Variants in SH2D4B observed in about 807,000 individuals in gnomAD.
The protein encoded by SH2D4B is SH2 domain-containing protein 4B.
A neutral mutation model predicts 61.5 loss-of-function variants in SH2D4B; 45 were observed. That is an observed-to-expected ratio of 0.73 (90% confidence interval 0.58 to 0.94). The LOEUF (loss-of-function observed/expected upper bound fraction) is 0.94. Among genes scored for constraint, SH2D4B ranks in the 40% least tolerant of loss-of-function variants. The pLI is 0.00. For missense variants in SH2D4B, 572 were observed against 574.2 expected (o/e 1.00, Z 0.04); for synonymous variants, 224 against 220.4 (o/e 1.02, Z -0.14).
intron 3 of SH2D4B, among the ~76,000 whole-genome samples, chr10:80,586,630 T>C (rs1036655280): frequency 6.6e-6 from 1 of 152,146 alleles, no homozygotes; most frequent in Non-Finnish European, 1.5e-5. Flanking sequence ...AACAGACCAC[T>C]GGGCTCTCTG....
At chr10:80,614,127 GGT>G (rs1000187285) in intron 6 of SH2D4B, among the ~76,000 whole-genome samples, 1 of 152,174 alleles carries the variant, frequency 6.6e-6, no homozygotes, top group Non-Finnish European at 1.5e-5. Flanking sequence ...CTGGGCTCCA[GGT>G]GTGTGAGGCT....
intron 4 of SH2D4B, among the ~76,000 whole-genome samples, chr10:80,595,780 C>T (rs762581139): frequency 1.3e-5 from 2 of 152,204 alleles, no homozygotes; most frequent in African/African-American, 2.4e-5. Flanking sequence ...CCACCCAGTT[C>T]TTCAATCCCT....
intron 4 of SH2D4B, among the ~76,000 whole-genome samples, chr10:80,598,361 T>C (rs778787857): frequency 4.6e-5 from 7 of 152,244 alleles, no homozygotes; most frequent in Non-Finnish European, 1.0e-4. Context: ...GGAAATCGTC[T>C]GGCCCAGGAG....
Position 80,645,426 on chromosome 10 carries a change from C to G in SH2D4B, c.*1341C>G. 6.6e-6 allele frequency: 1 copy of G among 152,224 alleles called. No homozygotes were observed. Among genetic ancestry groups the G allele is most frequent in the Non-Finnish European group, 1.5e-5 (1 of 68,060 alleles). 9.4% of individuals were successfully genotyped at this position (152,224 alleles called of 1,614,324 possible). A position where few individuals can be genotyped will look rare whatever the true frequency, so the allele number is the denominator to read the frequency against. ...CCACATGCCCCATCTCCCATTGCTGCAGAGGCATAAGACAGAAGAGATGGG... is the reference window on the plus strand; with the variant it reads ...CCACATGCCCCATCTCCCATTGCTGGAGAGGCATAAGACAGAAGAGATGGG... On this transcript the variant is annotated 3_prime_UTR_variant, in exon 8 of 8. Coordinates refer to ENST00000646907, the MANE Select transcript of SH2D4B (RefSeq NM_001388272.1).
chr10:80,562,364 C>A (rs1227719987), intron 1 of SH2D4B, among the ~76,000 whole-genome samples: 2 of 152,104 alleles, frequency 1.3e-5, no homozygotes, highest in African/African-American at 4.8e-5. Flanking sequence ...TCAGTTTTTT[C>A]TCATGAACGT....
chr10:80,566,256 G>C (rs1841967350), intron 1 of SH2D4B, among the ~76,000 whole-genome samples: 1 of 151,136 alleles, frequency 6.6e-6, no homozygotes, highest in South Asian at 2.1e-4. Flanking sequence ...TGAATCACTT[G>C]CCAATGAGAA....
At chr10:80,594,921 A>G (rs544839685) in intron 4 of SH2D4B, among the ~76,000 whole-genome samples, 1 of 152,332 alleles carries the variant, frequency 6.6e-6, no homozygotes, top group Admixed American at 6.5e-5. Context: ...GCAGTTGGGA[A>G]GGTGGATGGG....
At chr10:80,611,280 C>G (rs986461251) in intron 6 of SH2D4B, among the ~76,000 whole-genome samples, 1 of 149,886 alleles carries the variant, frequency 6.7e-6, no homozygotes, top group African/African-American at 2.4e-5. Context: ...TTGCAGGAAA[C>G]TGACACGTCA....
intron 5 of SH2D4B, among the ~76,000 whole-genome samples, chr10:80,605,788 G>A (rs1842511880): frequency 6.6e-6 from 1 of 152,138 alleles, no homozygotes; most frequent in Non-Finnish European, 1.5e-5. Context: ...CAAAGTCCTG[G>A]GATTACAGGT....
chr10:80,571,004 A>G (rs1842035311), intron 2 of SH2D4B, among the ~76,000 whole-genome samples: 1 of 151,970 alleles, frequency 6.6e-6, no homozygotes, highest in Non-Finnish European at 1.5e-5. Context: ...CCTCCTGAGT[A>G]TCTGGGACAC....
At chr10:80,563,393 T>C (rs1841931146) in intron 1 of SH2D4B, among the ~76,000 whole-genome samples, 1 of 152,208 alleles carries the variant, frequency 6.6e-6, no homozygotes, top group Non-Finnish European at 1.5e-5. Context: ...TTCCATCCTG[T>C]AGATTATCTC....
intron 2 of SH2D4B, 116 bp from the exon 3 acceptor site, chr10:80,571,315 A>C: frequency 8.1e-7 from 1 of 1,229,556 alleles, no homozygotes; most frequent in Non-Finnish European, 1.1e-6. Flanking sequence ...GTCTTTGCCA[A>C]CACCGAATTC....
In SH2D4B at chr10:80,644,241, T is replaced by G; in HGVS notation, c.*156T>G. 1 of 624,834 alleles carries G rather than the reference T, an allele frequency of 1.6e-6. No individual in the cohort carries two copies. The highest frequency in any genetic ancestry group is 2.8e-6 in the Non-Finnish European group (1 of 357,124). 38.7% of individuals were successfully genotyped at this position (624,834 alleles called of 1,614,324 possible). On this transcript the variant is annotated 3_prime_UTR_variant, in exon 8 of 8. Coordinates refer to ENST00000646907, the MANE Select transcript of SH2D4B (RefSeq NM_001388272.1). ...CTCAAGGGATATGACATCTATGGCATAGGGCTACTGGTCTCATCCCAGCGA... is the reference window on the plus strand; with the variant it reads ...CTCAAGGGATATGACATCTATGGCAGAGGGCTACTGGTCTCATCCCAGCGA...
At chr10:80,550,692 A>G (rs1841748883) in intron 1 of SH2D4B, among the ~76,000 whole-genome samples, 1 of 152,252 alleles carries the variant, frequency 6.6e-6, no homozygotes, top group African/African-American at 2.4e-5. Flanking sequence ...TCCTGATTGA[A>G]GAAATGTTAA....
Position 80,628,777 on chromosome 10 carries a change from C to G in SH2D4B, c.989-5508C>G, listed in dbSNP as rs529169625. ...GCGTGGTGGCTCATGCCTGTAATCC[C>G]AGCACTTTGGGAAGCTGAGGCGGGT... On this transcript the variant is annotated intron_variant, in intron 6 of 7. Transcript: ENST00000646907. 1.1e-4 allele frequency among the ~76,000 whole-genome samples: 17 copies of G among 152,222 alleles called. 2 individuals are homozygous for G. The South Asian group carries it at 3.5e-3, about 32-fold the overall frequency.
chr10:80,634,538 G>A (rs1830407401), intron 7 of SH2D4B, 33 bp downstream of exon 7: 8 of 1,533,674 alleles, frequency 5.2e-6, no homozygotes, highest in Non-Finnish European at 7.0e-6. Flanking sequence ...TGGGGGGGAG[G>A]GGGAACTGGT....
Position 80,587,685 on chromosome 10 carries a change from T to C in SH2D4B, c.496-945T>C, listed in dbSNP as rs115269931. Among the ~76,000 whole-genome samples the C allele has an allele frequency of 9.3e-3, 1,414 of 152,276 alleles. 23 individuals carry two copies. The highest frequency in any genetic ancestry group is 0.032 in the African/African-American group (1,319 of 41,550). Reference sequence around the variant, plus strand: ...GAAGTAAGGGTTACGATTGAACCCATGATCTAGGTAGTGAGCATATTACCC... The same window carrying C: ...GAAGTAAGGGTTACGATTGAACCCACGATCTAGGTAGTGAGCATATTACCC... On this transcript the variant is annotated intron_variant, in intron 3 of 7. Coordinates refer to ENST00000646907, the MANE Select transcript of SH2D4B (RefSeq NM_001388272.1).
intron 4 of SH2D4B, among the ~76,000 whole-genome samples, chr10:80,603,050 T>TG (rs1211975653): frequency 6.6e-6 from 1 of 152,076 alleles, no homozygotes; most frequent in Non-Finnish European, 1.5e-5. Flanking sequence ...CCTGGGTGGT[T>TG]GGGGGAAGTC....
chr10:80,604,305 C>T (rs1175269004), intron 5 of SH2D4B, among the ~76,000 whole-genome samples: 1 of 152,138 alleles, frequency 6.6e-6, no homozygotes, highest in East Asian at 1.9e-4. Context: ...ATTTGTGTCC[C>T]CTGAGGGTTT....
Sources: gnomAD v4.1 joint callset for allele counts (sites outside exome capture counted in the v4.1 genomes callset) on GRCh38, gnomAD v4.1.1 for gene constraint, MANE v1.5 for transcripts, NCBI Gene and HGNC (gene_info 2026-07-23, HGNC 2026-07-21) for gene names.